SYN2: variants seen among roughly 807,000 people sequenced by gnomAD.
SYN2 encodes synapsin-2.
Under a neutral mutation model 50.9 loss-of-function variants are expected in SYN2, and 19 were observed. That is an observed-to-expected ratio of 0.37 (90% CI 0.26 to 0.55). The LOEUF (loss-of-function observed/expected upper bound fraction) is 0.55. Among genes scored for constraint, SYN2 ranks in the 20% least tolerant of loss-of-function variants. The pLI is 0.81. For missense variants in SYN2, 587 were observed against 576.4 expected (o/e 1.02, Z -0.19); for synonymous variants, 255 against 224.9 (o/e 1.13, Z -1.20).
rs201304986 is a variant in SYN2 at position 12,091,000 on chromosome 3, A to C, written c.378-49651A>C. On this transcript the variant is annotated intron_variant, in intron 1 of 12. Coordinates refer to ENST00000621198, the MANE Select transcript of SYN2 (RefSeq NM_133625.6). ...GTTAGTTTTAATATCAGCATGTTTT[A>C]AATTGTTTTTAGGGAAATGGAAATT... is the stretch of plus-strand genomic sequence containing the variant. 4.6e-5 allele frequency among the ~76,000 whole-genome samples: 7 copies of C among 152,312 alleles called. No individual in the cohort carries two copies. The East Asian group carries it at 1.3e-3, about 29-fold the overall frequency.
intron 1 of SYN2, among the ~76,000 whole-genome samples, chr3:12,106,701 G>T (rs1414433615): frequency 1.3e-5 from 2 of 152,046 alleles, no homozygotes; most frequent in Non-Finnish European, 2.9e-5. Context: ...AAATGTTTTA[G>T]AAAACATTTA....
intron 1 of SYN2, among the ~76,000 whole-genome samples, chr3:12,047,818 T>G (rs73813109): frequency 2.0e-5 from 3 of 152,060 alleles, no homozygotes; most frequent in African/African-American, 7.3e-5. Context: ...TCTCATTAGT[T>G]GTTGGAGTTG....
chr3:12,122,099 C>A (rs2125203164), intron 1 of SYN2, among the ~76,000 whole-genome samples: 1 of 152,306 alleles, frequency 6.6e-6, no homozygotes, highest in East Asian at 1.9e-4. Flanking sequence ...TTCATAGCAA[C>A]ATCTAGATGA....
chr3:12,100,091 G>C (rs936498898), intron 1 of SYN2, among the ~76,000 whole-genome samples: 1 of 151,900 alleles, frequency 6.6e-6, no homozygotes, highest in Non-Finnish European at 1.5e-5. Context: ...ATTTGATATG[G>C]ATTACATTGA....
At chr3:12,073,016 T>A (rs1470654444) in intron 1 of SYN2, among the ~76,000 whole-genome samples, 1 of 152,214 alleles carries the variant, frequency 6.6e-6, no homozygotes, top group Non-Finnish European at 1.5e-5. Flanking sequence ...AATGTGGCAA[T>A]ATCTAAATTG....
chr3:12,184,985 G>A, intron 11 of SYN2: 12 of 985,758 alleles, frequency 1.2e-5, no homozygotes, highest in Non-Finnish European at 1.3e-5. Context: ...AGTGTTGGTG[G>A]TATGTAACAA....
chr3:12,099,795 T>G (rs1696025970), intron 1 of SYN2, among the ~76,000 whole-genome samples: 1 of 151,720 alleles, frequency 6.6e-6, no homozygotes, highest in Non-Finnish European at 1.5e-5. Context: ...AAACCCCATC[T>G]CTACTAAAAA....
chr3:12,182,337 C>T (rs1353310986), intron 10 of SYN2, among the ~76,000 whole-genome samples: 1 of 152,196 alleles, frequency 6.6e-6, no homozygotes, highest in East Asian at 1.9e-4. Context: ...TTGGAAGCCC[C>T]TCATTGACAT....
chr3:12,155,416 T>C (rs1279115480), intron 5 of SYN2, among the ~76,000 whole-genome samples: 1 of 152,172 alleles, frequency 6.6e-6, no homozygotes, highest in Non-Finnish European at 1.5e-5. Flanking sequence ...CATTGGGCCT[T>C]GAAGGGATGA....
At chr3:12,017,245 A>C (rs1317245592) in intron 1 of SYN2, among the ~76,000 whole-genome samples, 1 of 152,228 alleles carries the variant, frequency 6.6e-6, no homozygotes, top group Non-Finnish European at 1.5e-5. Flanking sequence ...AAGGTGGGAA[A>C]AATGATAATA....
At position 12,140,721 on chromosome 3, in the gene SYN2, A is replaced by C; in HGVS notation, c.435+13A>C. On this transcript the variant is annotated intron_variant, in intron 2 of 12. Coordinates refer to ENST00000621198, the MANE Select transcript of SYN2 (RefSeq NM_133625.6). ...CAAGGTGGAACAGGTAATCAGCCTG[A>C]AGCCCAGAGCTGCATCCCCGTCATC... 1 of 752,792 alleles carries C rather than the reference A, an allele frequency of 1.3e-6. No homozygotes were observed. Among genetic ancestry groups the C allele is most frequent in the East Asian group, 2.5e-5 (1 of 40,450 alleles). 46.6% of individuals were successfully genotyped at this position (752,792 alleles called of 1,614,324 possible).
At chr3:12,138,341 G>A (rs1347203115) in intron 1 of SYN2, among the ~76,000 whole-genome samples, 2 of 152,208 alleles carry the variant, frequency 1.3e-5, no homozygotes, top group Non-Finnish European at 2.9e-5. Flanking sequence ...AGCTAGAGAG[G>A]TGGGGGTGGA....
intron 1 of SYN2, among the ~76,000 whole-genome samples, chr3:12,115,573 T>G (rs1476636533): frequency 1.3e-5 from 2 of 152,200 alleles, no homozygotes; most frequent in African/African-American, 4.8e-5. Context: ...TCATTCCGTA[T>G]TTTTAATAAG....
intron 1 of SYN2, among the ~76,000 whole-genome samples, chr3:12,059,837 G>T (rs750819822): frequency 3.3e-5 from 5 of 152,084 alleles, no homozygotes; most frequent in Non-Finnish European, 7.4e-5. Context: ...TCCCTGCTCT[G>T]TCTCAATTCC....
At chr3:12,114,150 G>A (rs75397150) in intron 1 of SYN2, among the ~76,000 whole-genome samples, 11,931 of 151,308 alleles carry the variant, frequency 0.079, 576 homozygotes, top group African/African-American at 0.13. Flanking sequence ...TACTAGTGGT[G>A]TGAAGTGATA....
In SYN2 at chr3:12,161,600, A is replaced by G. The variant is rs778834377; in HGVS notation, c.829A>G (p.Met277Val). 7.4e-6 allele frequency: 12 copies of G among 1,613,932 alleles called. No homozygotes were observed. The Admixed American group carries it at 1.7e-4, about 22-fold the overall frequency. ...GAAGATTGGCCACGCTCACTCAGGC[A>G]TGGGCAAGGTGAGGCAGAGAGGCCT... is the stretch of plus-strand genomic sequence containing the variant. Reference protein sequence around the residue: ...VVKIGHAHSGMGKVKVENHYD... With the variant: ...VVKIGHAHSGVGKVKVENHYD... Residue 277 changes from methionine to valine, a missense_variant, in exon 6 of 13, where the codon ATG becomes GTG. Coordinates refer to ENST00000621198, the MANE Select transcript of SYN2 (RefSeq NM_133625.6).
At chr3:12,047,304 T>C (rs1694760787) in intron 1 of SYN2, among the ~76,000 whole-genome samples, 1 of 152,064 alleles carries the variant, frequency 6.6e-6, no homozygotes. Context: ...CAGAAGGGTG[T>C]GTAGATTGGA....
rs1693758172 is a variant in SYN2, at chr3:12,004,857, GC to G, written c.309del (p.Ala104LeufsTer98). On this transcript the variant is annotated frameshift_variant, in exon 1 of 13. Coordinates refer to ENST00000621198, the MANE Select transcript of SYN2 (RefSeq NM_133625.6). LOFTEE classifies it high-confidence loss of function. ...CCGCCTCGGCTGGCCTGGTGGACGC[GC>G]CCGCTCCCGCGCCCGCAGCCGCCAG... ...TAASAGLVDA[P>X]APAPAAARKA... 1.8e-6 allele frequency: 1 copy of G among 555,454 alleles called. No homozygotes were observed. Among genetic ancestry groups the G allele is most frequent in the Non-Finnish European group, 3.2e-6 (1 of 312,550 alleles). 34.4% of individuals were successfully genotyped at this position (555,454 alleles called of 1,614,324 possible). A position where few individuals can be genotyped will look rare whatever the true frequency, so the allele number is the denominator to read the frequency against.
At chr3:12,072,590 C>T (rs1168677052) in intron 1 of SYN2, among the ~76,000 whole-genome samples, 2 of 152,016 alleles carry the variant, frequency 1.3e-5, no homozygotes, top group African/African-American at 4.8e-5. Context: ...CTTTTTTCTC[C>T]ATTGACTTGT....
Sources: gnomAD v4.1 joint callset for allele counts (sites outside exome capture counted in the v4.1 genomes callset) on GRCh38, gnomAD v4.1.1 for gene constraint, MANE v1.5 for transcripts, NCBI Gene and HGNC (gene_info 2026-07-23, HGNC 2026-07-21) for gene names.